NSUN6: variants seen among roughly 807,000 people sequenced by gnomAD.
The protein encoded by NSUN6 is NOP2/Sun RNA methyltransferase 6.
A neutral mutation model predicts 58.0 loss-of-function variants in NSUN6; 64 were observed. The observed-to-expected ratio is 1.10, with a 90% CI of 0.90 to 1.36. NSUN6 has a LOEUF of 1.36. NSUN6 is among the 40% of genes most tolerant of loss of function. The pLI, the probability that NSUN6 is intolerant of heterozygous loss-of-function variation, is 0.00. For missense variants in NSUN6, 701 were observed against 550.1 expected, an observed-to-expected ratio of 1.27 and a Z score of -2.74; for synonymous variants, 231 against 193.9, an observed-to-expected ratio of 1.19 and a Z score of -1.59.
In NSUN6 at chr10:18,651,297, G is replaced by A. The variant is rs987582795; in HGVS notation, c.-94C>T. The stretch of plus-strand genomic sequence containing the variant: ...CCGAATTAATAGTGACGAGTGTCTT[G>A]ACACCAGATGCTGAGGAAAATCTTG... On this transcript the variant is annotated 5_prime_UTR_variant, in exon 1 of 11. Coordinates refer to ENST00000377304, the MANE Select transcript of NSUN6 (RefSeq NM_182543.5). The A allele has an allele frequency of 6.9e-7, 1 of 1,440,402 alleles. No individual in the cohort carries two copies. Among genetic ancestry groups the A allele is most frequent in the African/African-American group, 1.5e-5 (1 of 68,152 alleles). 89.2% of individuals were successfully genotyped at this position (1,440,402 alleles called of 1,614,324 possible). A position where few individuals can be genotyped will look rare whatever the true frequency, so the allele number is the denominator to read the frequency against.
rs147751180 is a variant in NSUN6 at position 18,550,281 on chromosome 10, T to C, written c.1071+1542A>G. On this transcript the variant is annotated intron_variant, in intron 9 of 10. Transcript: ENST00000377304. Reference sequence around the variant, plus strand: ...CTAAAGTTTCCTTTTTGCTGCTTGCTGTTTTAATTCTGAGGATGAGTTCTT... The same window carrying C: ...CTAAAGTTTCCTTTTTGCTGCTTGCCGTTTTAATTCTGAGGATGAGTTCTT... 1.9e-3 allele frequency among the ~76,000 whole-genome samples: 290 copies of C among 152,360 alleles called. 2 individuals carry two copies. The highest frequency in any genetic ancestry group is 6.7e-3 in the African/African-American group (280 of 41,588).
chr10:18,605,953 A>T (rs1267925488), intron 6 of NSUN6, among the ~76,000 whole-genome samples: 1 of 152,238 alleles, frequency 6.6e-6, no homozygotes, highest in African/African-American at 2.4e-5. Context: ...AAGAATATAT[A>T]TAAGAAATAA....
At chr10:18,609,806 T>G (rs781096080) in intron 6 of NSUN6, 39 bp downstream of exon 6, 2 of 1,087,496 alleles carry the variant, frequency 1.8e-6, no homozygotes, top group Non-Finnish European at 2.8e-6. Context: ...TGATGTATGT[T>G]TCAATGTCAC....
chr10:18,592,892 G>A (rs1447280956), intron 7 of NSUN6, among the ~76,000 whole-genome samples: 1 of 152,056 alleles, frequency 6.6e-6, no homozygotes, highest in African/African-American at 2.4e-5. Context: ...CTTCTGCACA[G>A]CAAAAGAAAC....
chr10:18,551,062 T>G (rs2054569701), intron 9 of NSUN6, among the ~76,000 whole-genome samples: 1 of 152,142 alleles, frequency 6.6e-6, no homozygotes, highest in South Asian at 2.1e-4. Flanking sequence ...GTAATTTATT[T>G]TATATCTAAT....
intron 7 of NSUN6, among the ~76,000 whole-genome samples, chr10:18,594,307 G>T (rs995240840): frequency 2.6e-5 from 4 of 151,734 alleles, no homozygotes; most frequent in African/African-American, 9.7e-5. Flanking sequence ...ATATTTTCTT[G>T]CTTTGTTTTC....
upstream of NSUN6, chr10:18,652,181 G>A: frequency 1.0e-6 from 1 of 985,118 alleles, no homozygotes; most frequent in East Asian, 1.1e-4. Context: ...TATCATAGTT[G>A]ACATATTCTT....
chr10:18,588,506 G>T (rs973369448), intron 7 of NSUN6, among the ~76,000 whole-genome samples: 2 of 152,180 alleles, frequency 1.3e-5, no homozygotes, highest in African/African-American at 4.8e-5. Flanking sequence ...AACAGGGGTC[G>T]ACAGACACCT....
intron 3 of NSUN6, among the ~76,000 whole-genome samples, chr10:18,629,606 A>G (rs1402419985): frequency 6.6e-6 from 1 of 150,848 alleles, no homozygotes; most frequent in East Asian, 2.0e-4. Flanking sequence ...TTACAATCCT[A>G]GTCTCTGATA....
upstream of NSUN6, chr10:18,654,751 G>A (rs139264653): frequency 0.13 from 19,162 of 152,114 alleles, 1,350 homozygotes; most frequent in Middle Eastern, 0.22. Flanking sequence ...GTGATGGCAC[G>A]TGCCTGTAGT....
chr10:18,651,080 A>C (rs1171766088), intron 1 of NSUN6, 49 bp downstream of exon 1: 1 of 1,571,004 alleles, frequency 6.4e-7, no homozygotes, highest in Non-Finnish European at 8.6e-7. Context: ...CGAGTGTGCG[A>C]ATATTTGAGT....
intron 3 of NSUN6, among the ~76,000 whole-genome samples, chr10:18,634,837 G>A (rs1839673449): frequency 6.6e-6 from 1 of 151,716 alleles, no homozygotes; most frequent in Admixed American, 6.6e-5. Flanking sequence ...TGAAAAATGT[G>A]TTAACAGAAA....
At chr10:18,570,735 TCATTCCATTCTC>T (rs558011044) in intron 8 of NSUN6, among the ~76,000 whole-genome samples, 451 of 128,398 alleles carry the variant, frequency 3.5e-3, no homozygotes, top group African/African-American at 0.012. Flanking sequence ...CCACTCCATT[TCATTCCATTCTC>T]CATTCCATTC....
In NSUN6 at chr10:18,620,528, C is replaced by G. The variant is rs74971989; in HGVS notation, c.312-4235G>C. Among the ~76,000 whole-genome samples the G allele has an allele frequency of 4.9e-4, 74 of 152,316 alleles. No individual in the cohort carries two copies. The East Asian group carries it at 0.013, about 27-fold the overall frequency. On this transcript the variant is annotated intron_variant, in intron 3 of 10. Coordinates refer to ENST00000377304, the MANE Select transcript of NSUN6 (RefSeq NM_182543.5). Reference sequence around the variant, plus strand: ...CAACTCTGAAAACAAATAGCCAAACCTGATCACTTTTATCAGCAGCCACCA... The same window carrying G: ...CAACTCTGAAAACAAATAGCCAAACGTGATCACTTTTATCAGCAGCCACCA...
upstream of NSUN6, chr10:18,652,630 G>A (rs1036629989): frequency 2.5e-5 from 22 of 881,348 alleles, no homozygotes; most frequent in South Asian, 8.3e-4. Flanking sequence ...GTGGGATCTC[G>A]ACTCACTGCA....
At chr10:18,654,264 C>G (rs779961501), upstream of NSUN6, among the ~76,000 whole-genome samples, 1 of 151,772 alleles carries the variant, frequency 6.6e-6, no homozygotes, top group Non-Finnish European at 1.5e-5. Context: ...CCCAGCTAGA[C>G]AGTTAACTAA....
intron 8 of NSUN6, 125 bp from the exon 9 acceptor site, chr10:18,552,096 A>G: frequency 1.6e-6 from 1 of 617,628 alleles, no homozygotes; most frequent in Non-Finnish European, 2.8e-6. Context: ...TCTCCCTTCA[A>G]TCAAGTAGCT....
At chr10:18,582,769 T>C (rs1276301862) in intron 8 of NSUN6, among the ~76,000 whole-genome samples, 1 of 152,086 alleles carries the variant, frequency 6.6e-6, no homozygotes, top group Non-Finnish European at 1.5e-5. Context: ...CTAAAACCAC[T>C]GTAATCCCAG....
At chr10:18,625,011 A>C (rs970209073) in intron 3 of NSUN6, among the ~76,000 whole-genome samples, 1 of 152,204 alleles carries the variant, frequency 6.6e-6, no homozygotes, top group Non-Finnish European at 1.5e-5. Context: ...TTGGGCACCA[A>C]GCCTCTGATG....
Sources: allele counts gnomAD v4.1 joint callset (sites outside exome capture counted in the v4.1 genomes callset), GRCh38; gene constraint gnomAD v4.1.1; transcripts MANE v1.5; gene names NCBI Gene and HGNC (gene_info 2026-07-23, HGNC 2026-07-21).